COLEC12: variants seen among roughly 807,000 people sequenced by gnomAD.
COLEC12 encodes collectin-12.
A neutral mutation model predicts 71.1 loss-of-function variants in COLEC12; 33 were observed. That is an observed-to-expected ratio of 0.46 (90% CI 0.35 to 0.62). COLEC12 has a LOEUF of 0.62. Among genes scored for constraint, COLEC12 ranks in the 20% least tolerant of loss-of-function variants. The pLI is 0.00. For missense variants in COLEC12, 765 were observed against 916.1 expected, an observed-to-expected ratio of 0.84 and a Z score of 2.13; for synonymous variants, 350 against 353.0, an observed-to-expected ratio of 0.99 and a Z score of 0.10.
intron 5 of COLEC12, among the ~76,000 whole-genome samples, chr18:342,914 T>C (rs1467588433): frequency 6.6e-6 from 1 of 152,220 alleles, no homozygotes; most frequent in African/African-American, 2.4e-5. Context: ...GGAAACCTCA[T>C]TCTATTATAA....
intron 1 of COLEC12, among the ~76,000 whole-genome samples, chr18:489,917 A>G (rs1026352519): frequency 1.3e-4 from 20 of 152,262 alleles, no homozygotes; most frequent in African/African-American, 4.8e-4. Flanking sequence ...CACTGTAAGC[A>G]TGTCACGGAG....
chr18:457,220 C>T (rs1377159355), intron 2 of COLEC12, among the ~76,000 whole-genome samples: 3 of 152,180 alleles, frequency 2.0e-5, no homozygotes, highest in Non-Finnish European at 2.9e-5. Flanking sequence ...ATTATGGACG[C>T]GAGCCGTGTA....
chr18:406,636 G>A (rs949692829), intron 2 of COLEC12, among the ~76,000 whole-genome samples: 1 of 151,668 alleles, frequency 6.6e-6, no homozygotes, highest in Admixed American at 6.6e-5. Context: ...TTTACTCTAT[G>A]GACTCACTCT....
intron 1 of COLEC12, among the ~76,000 whole-genome samples, chr18:488,416 A>G (rs1195287748): frequency 6.6e-6 from 1 of 152,212 alleles, no homozygotes; most frequent in Non-Finnish European, 1.5e-5. Flanking sequence ...ATCTCAAAAA[A>G]GAGAAAAAGA....
At chr18:375,261 T>C (rs1316693519) in intron 2 of COLEC12, among the ~76,000 whole-genome samples, 1 of 152,342 alleles carries the variant, frequency 6.6e-6, no homozygotes, top group South Asian at 2.1e-4. Context: ...ACTCCAGCCA[T>C]GCTGGCCTCC....
At chr18:415,720 GA>G (rs1915973982) in intron 2 of COLEC12, among the ~76,000 whole-genome samples, 1 of 152,042 alleles carries the variant, frequency 6.6e-6, no homozygotes. Context: ...TAGACCTTTG[GA>G]AGTTCCTCCA....
chr18:456,750 G>A (rs9960961), intron 2 of COLEC12, among the ~76,000 whole-genome samples: 8,292 of 152,306 alleles, frequency 0.054, 765 homozygotes, highest in African/African-American at 0.19. Flanking sequence ...GCTGTGGACC[G>A]CAAGCAGTGG....
chr18:486,939 C>T (rs570417566), intron 1 of COLEC12, among the ~76,000 whole-genome samples: 1 of 152,224 alleles, frequency 6.6e-6, no homozygotes, highest in South Asian at 2.1e-4. Flanking sequence ...CATAAAGTTA[C>T]CATACAATCC....
intron 5 of COLEC12, among the ~76,000 whole-genome samples, chr18:338,984 A>T (rs1273412574): frequency 6.9e-6 from 1 of 144,490 alleles, no homozygotes; most frequent in Non-Finnish European, 1.5e-5. Flanking sequence ...TATTGTCTTA[A>T]TTTTTTTTTT....
Position 319,308 on chromosome 18 carries a change from G to A in COLEC12, c.*737C>T, listed in dbSNP as rs1183628897. On this transcript the variant is annotated 3_prime_UTR_variant, in exon 10 of 10. Transcript: ENST00000400256. ...CATTCCAAGTGATTGGTTCCTCTGA[G>A]GAAATGAAACATTAAAAAAAAAAAA... 4 of 103,838 alleles carry A rather than the reference G, an allele frequency of 3.9e-5. No homozygotes were observed. Among genetic ancestry groups the A allele is most frequent in the East Asian group, 2.5e-4 (1 of 3,998 alleles). 6.4% of individuals were successfully genotyped at this position (103,838 alleles called of 1,614,324 possible).
chr18:444,769 G>A (rs1567909953), intron 2 of COLEC12, among the ~76,000 whole-genome samples: 1 of 152,162 alleles, frequency 6.6e-6, no homozygotes, highest in Non-Finnish European at 1.5e-5. Context: ...GGATTGACGT[G>A]ATATTTCCAT....
intron 2 of COLEC12, among the ~76,000 whole-genome samples, chr18:418,408 A>C (rs1394595600): frequency 6.6e-6 from 1 of 152,220 alleles, no homozygotes; most frequent in Non-Finnish European, 1.5e-5. Context: ...CAGTGAAAGT[A>C]CAAACTAACT....
intron 2 of COLEC12, among the ~76,000 whole-genome samples, chr18:410,761 C>G (rs1342392331): frequency 2.6e-5 from 4 of 151,852 alleles, no homozygotes; most frequent in African/African-American, 7.3e-5. Flanking sequence ...AAGAAGACAA[C>G]AACCTGGAAA....
intron 2 of COLEC12, among the ~76,000 whole-genome samples, chr18:461,379 T>C (rs891385086): frequency 6.6e-6 from 1 of 152,180 alleles, no homozygotes; most frequent in Non-Finnish European, 1.5e-5. Flanking sequence ...TTTTTAAAAT[T>C]TAAAAATTTT....
At chr18:340,994 T>A (rs1914239219) in intron 5 of COLEC12, among the ~76,000 whole-genome samples, 1 of 152,176 alleles carries the variant, frequency 6.6e-6, no homozygotes. Context: ...AGTCATGCCG[T>A]CTTGTTTGGG....
chr18:346,987 GTCAGGT>G lies in COLEC12; in HGVS notation c.629_634del (p.Asn210_Leu211del). The G allele has an allele frequency of 6.2e-7, 1 of 1,614,198 alleles. No homozygotes were observed. Among genetic ancestry groups the G allele is most frequent in the Non-Finnish European group, 8.5e-7 (1 of 1,180,028 alleles). On this transcript the variant is annotated inframe_deletion, in exon 5 of 10. Coordinates refer to ENST00000400256, the MANE Select transcript of COLEC12 (RefSeq NM_130386.3). The surrounding 1 kb of genome is among the most constrained non-coding windows in gnomAD (Gnocchi z 4.0). The stretch of plus-strand genomic sequence containing the variant: ...GATGAGGTTCCTCTGCTGCACCTGG[GTCAGGT>G]TCAGGTTGTTGAGGTTCATGATGAC...
intron 5 of COLEC12, among the ~76,000 whole-genome samples, chr18:338,759 T>C (rs1914176036): frequency 6.6e-6 from 1 of 152,186 alleles, no homozygotes; most frequent in African/African-American, 2.4e-5. Context: ...ACAATGGACG[T>C]AGCATTATGG....
chr18:482,164 G>A (rs913405529), intron 1 of COLEC12, among the ~76,000 whole-genome samples: 1 of 149,980 alleles, frequency 6.7e-6, no homozygotes, highest in East Asian at 2.0e-4. Context: ...TGCTCAGGCT[G>A]AAGTGCAGTG....
rs547604903 is a variant in COLEC12 at position 339,946 on chromosome 18, A to G, written c.1328-4716T>C. ...TTCCTCTAGGACCCGGGATGCTGGC[A>G]CTGCTGATTAGCATCTGGATGATCT... On this transcript the variant is annotated intron_variant, in intron 5 of 9. Transcript: ENST00000400256. 6.6e-5 allele frequency among the ~76,000 whole-genome samples: 10 copies of G among 152,228 alleles called. No homozygotes were observed. The South Asian group carries it at 2.1e-3, about 32-fold the overall frequency.
Sources: gnomAD v4.1 joint callset for allele counts (sites outside exome capture counted in the v4.1 genomes callset) on GRCh38, gnomAD v4.1.1 for gene constraint, Gnocchi (gnomAD v3.1) non-coding constraint, MANE v1.5 for transcripts, NCBI Gene and HGNC (gene_info 2026-07-23, HGNC 2026-07-21) for gene names.